The following ADCY2 variants were observed in gnomAD, a reference collection of about 807,000 sequenced individuals.
ADCY2 encodes adenylate cyclase type 2.
In ADCY2, 31 loss-of-function variants were observed where a neutral mutation model predicts 125.2. The ratio of observed to expected loss-of-function variants is 0.25; its 90% CI spans 0.19 to 0.33. The LOEUF (loss-of-function observed/expected upper bound fraction) is 0.33, where lower values mean the gene tolerates loss of function less well. Ranked by LOEUF, ADCY2 falls within the 10% of genes least tolerant of loss-of-function variation. The probability of loss-of-function intolerance (pLI) is 1.00; values close to 1 mark genes in which losing one functional copy is unlikely to be tolerated. For missense variants in ADCY2, 904 were observed against 1,418.2 expected (o/e 0.64, Z 5.82); for synonymous variants, 512 against 548.4 (o/e 0.93, Z 0.93).
chr5:7,476,868 A>G (rs1225311567), intron 2 of ADCY2, among the ~76,000 whole-genome samples: 1 of 152,216 alleles, frequency 6.6e-6, no homozygotes, highest in East Asian at 1.9e-4. Context: ...AACATTTATG[A>G]AGTTCACCAT....
chr5:7,630,259 G>A (rs1738270692), intron 4 of ADCY2, among the ~76,000 whole-genome samples: 1 of 152,086 alleles, frequency 6.6e-6, no homozygotes, highest in Non-Finnish European at 1.5e-5. Flanking sequence ...TCATGGCTGG[G>A]TAGATAATGA....
chr5:7,822,726 A>G (rs942177346), intron 24 of ADCY2, among the ~76,000 whole-genome samples: 1 of 151,204 alleles, frequency 6.6e-6, no homozygotes, highest in Non-Finnish European at 1.5e-5. Context: ...GTGTACATGC[A>G]TGTGTGTGTG....
intron 1 of ADCY2, among the ~76,000 whole-genome samples, chr5:7,399,594 C>T (rs551910669): frequency 2.6e-5 from 4 of 152,096 alleles, no homozygotes; most frequent in Non-Finnish European, 5.9e-5. Flanking sequence ...TACATGAAAA[C>T]TATTAAGTAG....
intron 14 of ADCY2, among the ~76,000 whole-genome samples, chr5:7,737,708 T>C (rs1191953225): frequency 6.6e-6 from 1 of 152,078 alleles, no homozygotes; most frequent in Non-Finnish European, 1.5e-5. Context: ...TCTATGAACA[T>C]CAAGCAGGAT....
In ADCY2 at chr5:7,513,078, G is replaced by GACACACACACACACAC. The variant is rs142515106; in HGVS notation, c.409-7646_409-7631dup. Among the ~76,000 whole-genome samples the GACACACACACACACAC allele has an allele frequency of 6.2e-3, 772 of 123,948 alleles. 7 individuals carry two copies. The highest frequency in any genetic ancestry group is 0.021 in the African/African-American group (715 of 33,262). 81.3% of individuals were successfully genotyped at this position (123,948 alleles called of 152,430 possible). ...GAGGGAGAATATGTGGAAAATACAT[G>GACACACACACACACAC]ACACACACACACACACACACACACA... is the stretch of plus-strand genomic sequence containing the variant. On this transcript the variant is annotated intron_variant, in intron 2 of 24. Coordinates refer to ENST00000338316, the MANE Select transcript of ADCY2 (RefSeq NM_020546.3).
At chr5:7,608,709 A>G (rs1236195451) in intron 3 of ADCY2, among the ~76,000 whole-genome samples, 2 of 152,232 alleles carry the variant, frequency 1.3e-5, no homozygotes, top group East Asian at 1.9e-4. Context: ...TGCCACAGGT[A>G]TATTGCGTAT....
intron 2 of ADCY2, among the ~76,000 whole-genome samples, chr5:7,491,680 C>T (rs898534769): frequency 6.6e-6 from 1 of 152,042 alleles, no homozygotes; most frequent in Non-Finnish European, 1.5e-5. Flanking sequence ...ATGTTAAAAT[C>T]ACTACTTTAT....
chr5:7,820,875 C>T (rs910526182), intron 24 of ADCY2, among the ~76,000 whole-genome samples, 186 bp downstream of exon 24: 1 of 152,116 alleles, frequency 6.6e-6, no homozygotes, highest in Non-Finnish European at 1.5e-5. Context: ...TTAACAACAA[C>T]AACAAAATTC....
chr5:7,720,552 C>G (rs4702490), intron 12 of ADCY2, among the ~76,000 whole-genome samples: 68,789 of 151,496 alleles, frequency 0.45, 16,761 homozygotes, highest in East Asian at 0.95. Flanking sequence ...CCCTCTCCCC[C>G]CACCCCATGA....
intron 2 of ADCY2, among the ~76,000 whole-genome samples, chr5:7,461,213 G>A (rs1466541468): frequency 3.9e-5 from 6 of 152,174 alleles, no homozygotes; most frequent in Non-Finnish European, 8.8e-5. Context: ...TCTGTCTCTC[G>A]TTGGCTGAAT....
chr5:7,468,727 C>A (rs533964063), intron 2 of ADCY2, among the ~76,000 whole-genome samples: 1 of 152,090 alleles, frequency 6.6e-6, no homozygotes, highest in Non-Finnish European at 1.5e-5. Flanking sequence ...AAGGCAAGGG[C>A]ATAGAGGCCG....
chr5:7,780,775 T>A (rs1252773465), intron 18 of ADCY2, among the ~76,000 whole-genome samples: 1 of 149,822 alleles, frequency 6.7e-6, no homozygotes. Flanking sequence ...CTGAGAATCA[T>A]GAAAATGTCC....
chr5:7,709,245 C>T lies in ADCY2; in HGVS notation c.1436C>T (p.Pro479Leu). 1 of 1,613,452 alleles carries T rather than the reference C, an allele frequency of 6.2e-7. No homozygotes were observed. The highest frequency in any genetic ancestry group is 8.5e-7 in the Non-Finnish European group (1 of 1,179,740). Residue 479 changes from proline to leucine, a missense_variant, in exon 10 of 25, where the codon CCT becomes CTT. Transcript: ENST00000338316. This position sits in a 1 kb window ranked among gnomAD's most constrained non-coding sequence, Gnocchi z 4.4. The part of the protein sequence containing the change: ...ERRSPQHLFR[P>L]RHTLDGAKMR... The stretch of plus-strand genomic sequence containing the variant: ...CGGAGCCCCCAGCATCTCTTCAGAC[C>T]TCGCCACACCCTTGATGGAGCCAAA...
chr5:7,425,603 A>G (rs1043773403), intron 2 of ADCY2, among the ~76,000 whole-genome samples: 6 of 152,380 alleles, frequency 3.9e-5, no homozygotes, highest in African/African-American at 1.4e-4. Flanking sequence ...GTTGCTAAGC[A>G]ACACTTCACT....
At chr5:7,706,965 CA>C in intron 8 of ADCY2, 63 bp downstream of exon 8, 1 of 1,592,496 alleles carries the variant, frequency 6.3e-7, no homozygotes, top group Non-Finnish European at 8.6e-7. Flanking sequence ...GACAGATTAT[CA>C]GCCTAATGAC....
chr5:7,492,774 G>A (rs566468931), intron 2 of ADCY2, among the ~76,000 whole-genome samples: 1 of 152,184 alleles, frequency 6.6e-6, no homozygotes, highest in East Asian at 1.9e-4. Context: ...TTGGGGAGGT[G>A]AAGGTGTTAT....
intron 2 of ADCY2, among the ~76,000 whole-genome samples, chr5:7,513,451 C>T (rs1744146735): frequency 6.6e-6 from 1 of 152,096 alleles, no homozygotes; most frequent in African/African-American, 2.4e-5. Context: ...AAGTACATTT[C>T]CACTATACAG....
intron 20 of ADCY2, among the ~76,000 whole-genome samples, chr5:7,790,253 C>G (rs179043): frequency 0.97 from 147,901 of 152,254 alleles, 71,974 homozygotes; most frequent in South Asian, 1. Context: ...GCTTCCCTGA[C>G]AGCCTTCCAA....
chr5:7,625,017 A>G (rs1284218402), intron 3 of ADCY2, among the ~76,000 whole-genome samples: 1 of 152,244 alleles, frequency 6.6e-6, no homozygotes, highest in Non-Finnish European at 1.5e-5. Flanking sequence ...ACTGTTGATG[A>G]TAATGTAAAT....
Sources: allele counts gnomAD v4.1 joint callset (sites outside exome capture counted in the v4.1 genomes callset), GRCh38; gene constraint gnomAD v4.1.1; non-coding constraint Gnocchi (gnomAD v3.1); transcripts MANE v1.5; gene names NCBI Gene and HGNC (gene_info 2026-07-23, HGNC 2026-07-21).